Variants in DLG2 observed in about 807,000 individuals in gnomAD.
DLG2 encodes the protein disks large homolog 2.
DLG2 carries 45 observed loss-of-function variants against 132.5 expected under a neutral mutation model. The ratio of observed to expected loss-of-function variants is 0.34; its 90% confidence interval spans 0.27 to 0.44. The LOEUF is 0.44. DLG2 is among the 20% of genes least tolerant of loss of function. The pLI is 1.00. For missense variants in DLG2, 1,045 were observed against 1,196.9 expected (o/e 0.87, Z 1.87); for synonymous variants, 424 against 419.6 (o/e 1.01, Z -0.13).
chr11:84,408,611 A>G (rs603701), intron 7 of DLG2, among the ~76,000 whole-genome samples: 12,154 of 152,180 alleles, frequency 0.08, 523 homozygotes, highest in Middle Eastern at 0.099. Context: ...ATAGATAAAA[A>G]TGCAATGAAA....
chr11:85,522,942 G>C (rs1262171440), intron 3 of DLG2, among the ~76,000 whole-genome samples: 8 of 152,284 alleles, frequency 5.3e-5, no homozygotes, highest in African/African-American at 1.9e-4. Flanking sequence ...AAGACATTGG[G>C]TGACTGTTGG....
At chr11:84,632,968 C>T (rs1324470977) in intron 6 of DLG2, among the ~76,000 whole-genome samples, 1 of 152,176 alleles carries the variant, frequency 6.6e-6, no homozygotes, top group African/African-American at 2.4e-5. Flanking sequence ...TGACTTTGAG[C>T]AATTCCATAG....
At chr11:83,873,498 C>G (rs1353013759) in intron 16 of DLG2, among the ~76,000 whole-genome samples, 1 of 152,150 alleles carries the variant, frequency 6.6e-6, no homozygotes, top group Non-Finnish European at 1.5e-5. Flanking sequence ...CTCTCATTCT[C>G]TTTCTTGCTG....
chr11:83,882,058 T>C lies in DLG2; in HGVS notation c.1497-7570A>G, dbSNP rs574760777. Among the ~76,000 whole-genome samples the C allele has an allele frequency of 3.9e-5, 6 of 152,278 alleles. No individual in the cohort carries two copies. In the East Asian group the frequency reaches 7.7e-4, roughly 20 times the overall value. On this transcript the variant is annotated intron_variant, in intron 15 of 27. Transcript: ENST00000376104. ...ATTTAAAGAAATCCAGCATGGAAAGTATGGATGATGGATTAAGTTATAATT... is the reference window on the plus strand; with the variant it reads ...ATTTAAAGAAATCCAGCATGGAAAGCATGGATGATGGATTAAGTTATAATT...
intron 6 of DLG2, among the ~76,000 whole-genome samples, chr11:84,602,615 A>C (rs2099578624): frequency 6.6e-6 from 1 of 151,954 alleles, no homozygotes; most frequent in African/African-American, 2.4e-5. Context: ...CTATTTTCCT[A>C]TTATCACCAA....
chr11:83,611,093 G>T (rs2060047834), intron 19 of DLG2, among the ~76,000 whole-genome samples: 1 of 152,132 alleles, frequency 6.6e-6, no homozygotes, highest in Non-Finnish European at 1.5e-5. Context: ...ATAAAAGTCA[G>T]TATTTTACAA....
chr11:84,813,175 T>A (rs1391560188), intron 6 of DLG2, among the ~76,000 whole-genome samples: 1 of 150,970 alleles, frequency 6.6e-6, no homozygotes, highest in African/African-American at 2.4e-5. Context: ...ATTAAATACA[T>A]ACACACACAC....
rs200274947 is a variant in DLG2, at chr11:84,866,287, A to AAAC, written c.357+245371_357+245373dup. On this transcript the variant is annotated intron_variant, in intron 6 of 27. Coordinates refer to ENST00000376104, the MANE Select transcript of DLG2 (RefSeq NM_001142699.3). ...GTGTCTGTCCCTTCCAAACCATTAA[A>AAAC]AACAACAACAACAACAACCACAAAA... Among the ~76,000 whole-genome samples the AAAC allele has an allele frequency of 3.9e-5, 6 of 152,222 alleles. No individual in the cohort carries two copies. The South Asian group carries it at 8.3e-4, about 21-fold the overall frequency.
At chr11:84,160,784 A>G (rs2095529611) in intron 9 of DLG2, among the ~76,000 whole-genome samples, 1 of 152,222 alleles carries the variant, frequency 6.6e-6, no homozygotes, top group Non-Finnish European at 1.5e-5. Flanking sequence ...AGTTGGTCTT[A>G]GAATGGAATA....
intron 3 of DLG2, chr11:85,469,434 A>G (rs1456567258): frequency 6.6e-6 from 1 of 152,252 alleles, no homozygotes; most frequent in Non-Finnish European, 1.5e-5. Context: ...AAATAACAAA[A>G]AAGGATCTAA....
chr11:85,159,855 C>A (rs914838040), intron 4 of DLG2, among the ~76,000 whole-genome samples: 33 of 152,180 alleles, frequency 2.2e-4, no homozygotes, highest in Non-Finnish European at 1.2e-4. Flanking sequence ...TTGGAGAGAA[C>A]TTGATAGCTT....
chr11:84,114,881 C>G (rs2093558209), intron 9 of DLG2, among the ~76,000 whole-genome samples: 1 of 150,162 alleles, frequency 6.7e-6, no homozygotes. Flanking sequence ...TGTTGCCCAG[C>G]CTTGTCTCGA....
At chr11:84,891,376 A>T (rs1295608456) in intron 6 of DLG2, among the ~76,000 whole-genome samples, 1 of 152,294 alleles carries the variant, frequency 6.6e-6, no homozygotes, top group East Asian at 1.9e-4. Flanking sequence ...TGTAATAAGG[A>T]TAAATATTAG....
At position 84,146,461 on chromosome 11, in the gene DLG2, A is replaced by T. The variant is rs553635075; in HGVS notation, c.624+17000T>A. On this transcript the variant is annotated intron_variant, in intron 9 of 27. Coordinates refer to ENST00000376104, the MANE Select transcript of DLG2 (RefSeq NM_001142699.3). ...TCAAAACATCTCATGTACCCCATAA[A>T]TATATACACCTACTATGTACCAACA... Among the ~76,000 whole-genome samples, 4 of 152,320 alleles carry T rather than the reference A, an allele frequency of 2.6e-5. No individual in the cohort carries two copies. The South Asian group carries it at 8.3e-4, about 32-fold the overall frequency.
intron 6 of DLG2, among the ~76,000 whole-genome samples, chr11:85,099,803 A>G (rs1303188368): frequency 2.0e-5 from 3 of 152,206 alleles, no homozygotes; most frequent in South Asian, 4.1e-4. Context: ...AAAAGAGAAC[A>G]TGATAGATAG....
At chr11:84,205,567 C>A (rs1016917579) in intron 8 of DLG2, among the ~76,000 whole-genome samples, 7 of 135,950 alleles carry the variant, frequency 5.1e-5, no homozygotes, top group African/African-American at 1.6e-4. Flanking sequence ...AAAAAAAAAA[C>A]AAAAATAAAG....
At chr11:84,579,762 A>C (rs1279744890) in intron 6 of DLG2, among the ~76,000 whole-genome samples, 1 of 152,250 alleles carries the variant, frequency 6.6e-6, no homozygotes, top group Admixed American at 6.5e-5. Context: ...GTAGAAGAAC[A>C]GACCAGTTAA....
chr11:84,563,997 G>C (rs1192092896), intron 6 of DLG2, among the ~76,000 whole-genome samples: 1 of 152,030 alleles, frequency 6.6e-6, no homozygotes, highest in Non-Finnish European at 1.5e-5. Context: ...AAAAAATAAA[G>C]GATAAAAGAT....
chr11:85,355,860 C>G (rs191735750), intron 3 of DLG2, among the ~76,000 whole-genome samples: 8 of 152,264 alleles, frequency 5.3e-5, no homozygotes, highest in African/African-American at 1.9e-4. Flanking sequence ...TGGGTTTCCT[C>G]TAAAAACAAA....
Sources: allele counts gnomAD v4.1 joint callset (sites outside exome capture counted in the v4.1 genomes callset), GRCh38; gene constraint gnomAD v4.1.1; transcripts MANE v1.5; gene names NCBI Gene and HGNC (gene_info 2026-07-23, HGNC 2026-07-21).